Variants in UBR1 observed in about 807,000 individuals in gnomAD.
UBR1 encodes the protein ubiquitin protein ligase E3 component n-recognin 1, also known as E3 ubiquitin-protein ligase UBR1.
A neutral mutation model predicts 242.1 loss-of-function variants in UBR1; 102 were observed. That is an observed-to-expected ratio of 0.42 (90% CI 0.36 to 0.50). The LOEUF is 0.50. Among genes scored for constraint, UBR1 ranks in the 20% least tolerant of loss-of-function variants. The probability of loss-of-function intolerance (pLI) is 0.01; values close to 1 mark genes in which losing one functional copy is unlikely to be tolerated. For synonymous variants in UBR1, 675 were observed against 684.8 expected, an observed-to-expected ratio of 0.99 and a Z score of 0.22; for missense variants, 1,772 against 2,101.8, an observed-to-expected ratio of 0.84 and a Z score of 3.07.
At chr15:42,950,436 C>T (rs906018585) in intron 45 of UBR1, 73 bp from the exon 46 acceptor site, 4 of 1,356,108 alleles carry the variant, frequency 2.9e-6, no homozygotes, top group African/African-American at 2.9e-5. Context: ...TCAATGTTAA[C>T]CTAGAGAAAA....
intron 29 of UBR1, among the ~76,000 whole-genome samples, chr15:43,014,547 TGTGA>T (rs1301573366): frequency 1.4e-5 from 2 of 143,746 alleles, no homozygotes; most frequent in Non-Finnish European, 3.0e-5. Context: ...CCGTCTGGGA[TGTGA>T]GTGCCTCTGC....
intron 27 of UBR1, among the ~76,000 whole-genome samples, chr15:43,018,113 C>A (rs966415681): frequency 2.0e-5 from 3 of 151,290 alleles, no homozygotes; most frequent in Non-Finnish European, 4.4e-5. Flanking sequence ...TGCCATTCTC[C>A]TGCCTCAGCC....
chr15:43,031,071 T>C (rs761119201), intron 20 of UBR1, among the ~76,000 whole-genome samples: 3 of 152,198 alleles, frequency 2.0e-5, no homozygotes, highest in Non-Finnish European at 4.4e-5. Context: ...TGCAACTGCA[T>C]GCTCTTGAAA....
chr15:43,014,612 C>A (rs1050612164), intron 29 of UBR1, among the ~76,000 whole-genome samples: 1 of 151,732 alleles, frequency 6.6e-6, no homozygotes, highest in East Asian at 2.0e-4. Context: ...CCAGCCGCCC[C>A]GTCTGAGAAG....
intron 27 of UBR1, among the ~76,000 whole-genome samples, chr15:43,017,710 T>G (rs187809103): frequency 6.6e-6 from 1 of 151,242 alleles, no homozygotes; most frequent in Non-Finnish European, 1.5e-5. Flanking sequence ...CTTGGGAGGC[T>G]GAGGCAGGAG....
intron 14 of UBR1, among the ~76,000 whole-genome samples, chr15:43,046,503 T>C (rs1456744788): frequency 6.6e-6 from 1 of 151,886 alleles, no homozygotes; most frequent in African/African-American, 2.4e-5. Flanking sequence ...GTAATATAAG[T>C]CAGAACCAAG....
intron 42 of UBR1, among the ~76,000 whole-genome samples, chr15:42,963,245 G>A (rs948339499): frequency 1.3e-4 from 19 of 151,946 alleles, no homozygotes; most frequent in Non-Finnish European, 2.2e-4. Flanking sequence ...AGAAGCCAAC[G>A]TTCACACAAA....
intron 5 of UBR1, among the ~76,000 whole-genome samples, chr15:43,070,464 C>T (rs1247930626): frequency 6.6e-6 from 1 of 152,052 alleles, no homozygotes; most frequent in East Asian, 1.9e-4. Context: ...TTAGTCCAGG[C>T]CAGGATCAAA....
chr15:43,067,214 C>T (rs959250063), intron 6 of UBR1, among the ~76,000 whole-genome samples: 4 of 151,982 alleles, frequency 2.6e-5, no homozygotes, highest in South Asian at 4.1e-4. Context: ...ATTAGCTGTT[C>T]GTACCCTTTT....
chr15:42,981,639 G>A (rs2032380435), intron 37 of UBR1, among the ~76,000 whole-genome samples: 2 of 152,058 alleles, frequency 1.3e-5, no homozygotes, highest in African/African-American at 2.4e-5. Flanking sequence ...ACAGGCGCCC[G>A]CCACCACGCC....
chr15:42,992,700 T>G (rs762348860), intron 33 of UBR1, among the ~76,000 whole-genome samples: 1 of 152,172 alleles, frequency 6.6e-6, no homozygotes, highest in Admixed American at 6.5e-5. Context: ...CCTTCTATAG[T>G]TCTCTCCTCT....
At chr15:42,969,614 A>C (rs941982412) in intron 40 of UBR1, among the ~76,000 whole-genome samples, 8 of 152,000 alleles carry the variant, frequency 5.3e-5, no homozygotes, top group Non-Finnish European at 1.2e-4. Flanking sequence ...TGAATGGCCC[A>C]AAAACTCCTT....
At chr15:43,090,803 A>G (rs984776837) in intron 1 of UBR1, among the ~76,000 whole-genome samples, 7 of 152,188 alleles carry the variant, frequency 4.6e-5, no homozygotes, top group African/African-American at 1.7e-4. Flanking sequence ...CAGGGAAGTA[A>G]ACTGACTTGT....
At chr15:43,068,621 T>G (rs532575561) in intron 5 of UBR1, among the ~76,000 whole-genome samples, 138 of 151,760 alleles carry the variant, frequency 9.1e-4, no homozygotes, top group Admixed American at 2.0e-3. Flanking sequence ...TGTTTTTGGG[T>G]TTTGTTTTGT....
In UBR1 at chr15:42,950,277, G is replaced by T. The variant is rs2031810571; in HGVS notation, c.5093C>A (p.Thr1698Lys). Reference protein sequence around the residue: ...PAPYLDEYGETDPGLKRGNPL... With the variant: ...PAPYLDEYGEKDPGLKRGNPL... Reference sequence around the variant, plus strand: ...AAAATCTTACTTCAGGCCAGGGTCTGTTTCTCCATATTCATCCAAGTAAGG... The same window carrying T: ...AAAATCTTACTTCAGGCCAGGGTCTTTTTCTCCATATTCATCCAAGTAAGG... The change falls in exon 46 of 47, where the codon ACA becomes AAA. Residue 1698 changes from threonine (T) to lysine (K), a missense_variant. This residue lies in a region of UBR1 where 965 missense variants were observed against 1,079.7 expected (regional missense o/e 0.89). Coordinates refer to ENST00000290650, the MANE Select transcript of UBR1 (RefSeq NM_174916.3). 6.2e-7 allele frequency: 1 copy of T among 1,614,032 alleles called. No homozygotes were observed. Among genetic ancestry groups the T allele is most frequent in the African/African-American group, 1.3e-5 (1 of 74,922 alleles).
intron 43 of UBR1, among the ~76,000 whole-genome samples, chr15:42,959,649 T>G (rs2031981449): frequency 6.6e-6 from 1 of 152,204 alleles, no homozygotes; most frequent in Admixed American, 6.5e-5. Flanking sequence ...AAAAATTGTG[T>G]GAGATTAACA....
rs186077262 is a variant in UBR1 at position 43,039,170 on chromosome 15, T to C, written c.1850-938A>G. On this transcript the variant is annotated intron_variant, in intron 15 of 46. Coordinates refer to ENST00000290650, the MANE Select transcript of UBR1 (RefSeq NM_174916.3). ...AAATCACATGACATCAATTATGCCA[T>C]ATACAAACATTAACTCAAAATGGAT... is the stretch of plus-strand genomic sequence containing the variant. 2.3e-3 allele frequency among the ~76,000 whole-genome samples: 357 copies of C among 152,252 alleles called. 1 individual carries two copies. The highest frequency in any genetic ancestry group is 3.9e-3 in the Non-Finnish European group (267 of 68,014).
At chr15:43,098,264 T>A (rs1167786000) in intron 1 of UBR1, among the ~76,000 whole-genome samples, 1 of 152,112 alleles carries the variant, frequency 6.6e-6, no homozygotes, top group South Asian at 2.1e-4. Flanking sequence ...CCCAAAACAA[T>A]TACAATAGTA....
chr15:43,043,139 T>C (rs1165720637), intron 15 of UBR1, 76 bp downstream of exon 15: 9 of 1,548,082 alleles, frequency 5.8e-6, no homozygotes, highest in African/African-American at 4.1e-5. Flanking sequence ...AGAACAAAAA[T>C]AGAAATGATT....
Sources: gnomAD v4.1 joint callset for allele counts (sites outside exome capture counted in the v4.1 genomes callset) on GRCh38, gnomAD v4.1.1 for gene constraint, gnomAD v4.1.1 regional missense constraint, MANE v1.5 for transcripts, NCBI Gene and HGNC (gene_info 2026-07-23, HGNC 2026-07-21) for gene names.